The following MYO3A variants were observed in gnomAD, a reference collection of about 807,000 sequenced individuals.
MYO3A encodes the protein myosin-IIIa.
MYO3A carries 180 observed loss-of-function variants against 192.7 expected under a neutral mutation model. That is an observed-to-expected ratio of 0.93 (90% CI 0.83 to 1.06). The LOEUF (loss-of-function observed/expected upper bound fraction) is 1.06, where lower values mean the gene tolerates loss of function less well. MYO3A is among the 50% of genes least tolerant of loss of function. The probability of loss-of-function intolerance (pLI) is 0.00; values close to 1 mark genes in which losing one functional copy is unlikely to be tolerated. For missense variants in MYO3A, 1,896 were observed against 1,905.0 expected (o/e 1.00, Z 0.09); for synonymous variants, 628 against 645.3 (o/e 0.97, Z 0.41).
At chr10:26,057,903 C>T (rs970980954) in intron 10 of MYO3A, among the ~76,000 whole-genome samples, 3 of 152,132 alleles carry the variant, frequency 2.0e-5, no homozygotes, top group Non-Finnish European at 4.4e-5. Context: ...CCCCTTCCCC[C>T]AGGTAGGCAC....
chr10:25,979,681 A>G (rs1564424090), intron 4 of MYO3A, among the ~76,000 whole-genome samples: 2 of 152,262 alleles, frequency 1.3e-5, no homozygotes, highest in Middle Eastern at 3.4e-3. Flanking sequence ...TTACCACATA[A>G]CTATAATTCA....
At chr10:26,153,153 G>A (rs996132491) in intron 23 of MYO3A, among the ~76,000 whole-genome samples, 6 of 152,182 alleles carry the variant, frequency 3.9e-5, no homozygotes, top group African/African-American at 1.2e-4. Context: ...CATTTCAGGG[G>A]CCTTCCATGT....
intron 4 of MYO3A, among the ~76,000 whole-genome samples, chr10:25,994,770 G>A (rs889295230): frequency 6.6e-6 from 1 of 152,160 alleles, no homozygotes; most frequent in Admixed American, 6.6e-5. Context: ...CACTTATGAA[G>A]CTTAATTTGG....
chr10:26,200,214 C>A (rs1843620009), intron 32 of MYO3A, among the ~76,000 whole-genome samples: 2 of 152,152 alleles, frequency 1.3e-5, no homozygotes, highest in Admixed American at 1.3e-4. Context: ...TAAAAGAAAC[C>A]ATGAACTGTT....
chr10:26,197,663 A>G (rs189479124), intron 32 of MYO3A, among the ~76,000 whole-genome samples: 3 of 152,302 alleles, frequency 2.0e-5, no homozygotes, highest in Admixed American at 1.3e-4. Flanking sequence ...TCCCGGGTTC[A>G]ACCGATTCTC....
At chr10:26,103,083 C>G (rs1339916978) in intron 17 of MYO3A, among the ~76,000 whole-genome samples, 1 of 152,230 alleles carries the variant, frequency 6.6e-6, no homozygotes, top group Non-Finnish European at 1.5e-5. Flanking sequence ...TGTTTACCTA[C>G]TCAAGCCTCA....
chr10:26,097,488 T>G (rs1837116997), intron 17 of MYO3A, among the ~76,000 whole-genome samples: 1 of 152,130 alleles, frequency 6.6e-6, no homozygotes, highest in Admixed American at 6.5e-5. Context: ...CTGCACACAT[T>G]AACTCGTCAT....
chr10:25,991,978 G>C (rs528731915), intron 4 of MYO3A, among the ~76,000 whole-genome samples: 41 of 152,322 alleles, frequency 2.7e-4, no homozygotes, highest in African/African-American at 9.9e-4. Flanking sequence ...TTTGGCTTAG[G>C]ATTGACTTGG....
chr10:26,201,312 A>G lies in MYO3A; in HGVS notation c.4586+7A>G, dbSNP rs1304795643. On this transcript the variant is annotated splice_region_variant and intron_variant, in intron 33 of 34. Coordinates refer to ENST00000642920, the MANE Select transcript of MYO3A (RefSeq NM_017433.5). Reference sequence around the variant, plus strand: ...GAAGACCAAGGAAAGACAGGTAATTATTACTTCTGGATTTCAATCAGTCAT... The same window carrying G: ...GAAGACCAAGGAAAGACAGGTAATTGTTACTTCTGGATTTCAATCAGTCAT... 6.4e-7 allele frequency: 1 copy of G among 1,567,246 alleles called. No homozygotes were observed. The highest frequency in any genetic ancestry group is 1.7e-5 in the Admixed American group (1 of 58,398).
intron 10 of MYO3A, among the ~76,000 whole-genome samples, chr10:26,054,630 G>A (rs996647477): frequency 1.3e-5 from 2 of 152,172 alleles, no homozygotes; most frequent in African/African-American, 4.8e-5. Flanking sequence ...AAATTATCCG[G>A]GATTAGTGGC....
intron 17 of MYO3A, among the ~76,000 whole-genome samples, chr10:26,105,336 A>G (rs1451705189): frequency 6.6e-6 from 1 of 152,128 alleles, no homozygotes; most frequent in East Asian, 1.9e-4. Context: ...AACAATACAT[A>G]TTAATACCCT....
At chr10:26,063,177 G>C (rs140276119) in intron 10 of MYO3A, among the ~76,000 whole-genome samples, 3 of 152,296 alleles carry the variant, frequency 2.0e-5, no homozygotes, top group African/African-American at 4.8e-5. Flanking sequence ...TCAATGGCTG[G>C]CTGGATCTAG....
At chr10:25,991,795 G>C (rs10828924) in intron 4 of MYO3A, among the ~76,000 whole-genome samples, 66,521 of 150,766 alleles carry the variant, frequency 0.44, 15,463 homozygotes, top group East Asian at 0.62. Context: ...GCTTGTTTTT[G>C]TCGGGTTTGT....
rs142477479 is a variant in MYO3A at position 25,941,921 on chromosome 10, A to G, written c.-18+6091A>G. Among the ~76,000 whole-genome samples, 17 of 151,788 alleles carry G rather than the reference A, an allele frequency of 1.1e-4. No individual in the cohort carries two copies. The East Asian group carries it at 3.1e-3, about 28-fold the overall frequency. Reference sequence around the variant, plus strand: ...TCTTCTCGGCTCATCCCTCTCATACATGTTGTAGTATGTGTCAAGTTTCCT... The same window carrying G: ...TCTTCTCGGCTCATCCCTCTCATACGTGTTGTAGTATGTGTCAAGTTTCCT... On this transcript the variant is annotated intron_variant, in intron 2 of 34. Coordinates refer to ENST00000642920, the MANE Select transcript of MYO3A (RefSeq NM_017433.5).
chr10:26,057,927 G>T (rs1453400699), intron 10 of MYO3A, among the ~76,000 whole-genome samples: 1 of 150,516 alleles, frequency 6.6e-6, no homozygotes, highest in Non-Finnish European at 1.5e-5. Flanking sequence ...CTTCTCCACT[G>T]TCAACATCCC....
At chr10:26,004,262 C>A (rs990158575) in intron 6 of MYO3A, among the ~76,000 whole-genome samples, 2 of 151,894 alleles carry the variant, frequency 1.3e-5, no homozygotes, top group Non-Finnish European at 2.9e-5. Flanking sequence ...GCATAGGGAT[C>A]AGGGTGGAGA....
chr10:26,098,222 G>T (rs951419752), intron 17 of MYO3A, among the ~76,000 whole-genome samples: 2 of 152,138 alleles, frequency 1.3e-5, no homozygotes, highest in African/African-American at 4.8e-5. Context: ...CTTGAGAAGT[G>T]TCTGTTCATA....
intron 20 of MYO3A, among the ~76,000 whole-genome samples, 181 bp from the exon 21 acceptor site, chr10:26,143,267 G>A (rs1460004785): frequency 6.6e-6 from 1 of 152,114 alleles, no homozygotes; most frequent in Non-Finnish European, 1.5e-5. Flanking sequence ...GGAGGCAGAG[G>A]TTGCAGTGAG....
chr10:26,144,459 T>C (rs987428299), intron 21 of MYO3A, among the ~76,000 whole-genome samples: 2 of 151,600 alleles, frequency 1.3e-5, no homozygotes, highest in African/African-American at 4.9e-5. Context: ...CAATACTAGA[T>C]GGAAAATAAA....
Sources: gnomAD v4.1 joint callset for allele counts (sites outside exome capture counted in the v4.1 genomes callset) on GRCh38, gnomAD v4.1.1 for gene constraint, MANE v1.5 for transcripts, NCBI Gene and HGNC (gene_info 2026-07-23, HGNC 2026-07-21) for gene names.